FGF2: variants seen among roughly 807,000 people sequenced by gnomAD.
The protein encoded by FGF2 is basic fibroblast growth factor bFGF.
Under a neutral mutation model 15.9 loss-of-function variants are expected in FGF2, and 13 were observed. That is an observed-to-expected ratio of 0.82 (90% CI 0.53 to 1.30). The LOEUF (loss-of-function observed/expected upper bound fraction) is 1.30, where lower values mean the gene tolerates loss of function less well. Among genes scored for constraint, FGF2 ranks in the 50% most tolerant of loss-of-function variants. The pLI is 0.00. For missense variants in FGF2, 163 were observed against 196.9 expected, an observed-to-expected ratio of 0.83 and a Z score of 1.03; for synonymous variants, 90 against 78.4, an observed-to-expected ratio of 1.15 and a Z score of -0.78.
At chr4:122,867,870 C>G (rs72672997) in intron 1 of FGF2, among the ~76,000 whole-genome samples, 3,266 of 152,098 alleles carry the variant, frequency 0.021, 60 homozygotes, top group Non-Finnish European at 0.035. Flanking sequence ...TTATGGTGAC[C>G]CTGTTTATTT....
intron 1 of FGF2, among the ~76,000 whole-genome samples, chr4:122,856,447 T>C (rs1432140327): frequency 6.6e-6 from 1 of 152,214 alleles, no homozygotes; most frequent in Non-Finnish European, 1.5e-5. Context: ...ATTTCTTCCA[T>C]TTTCTGTTCT....
At chr4:122,872,653 C>G (rs1726764191) in intron 1 of FGF2, among the ~76,000 whole-genome samples, 1 of 152,184 alleles carries the variant, frequency 6.6e-6, no homozygotes, top group South Asian at 2.1e-4. Context: ...CAAAGGGAAG[C>G]CCATCGGACT....
intron 1 of FGF2, among the ~76,000 whole-genome samples, chr4:122,858,938 A>G (rs562860570): frequency 6.6e-6 from 1 of 150,986 alleles, no homozygotes; most frequent in African/African-American, 2.5e-5. Context: ...AACACACTCT[A>G]TCAACCAATT....
chr4:122,871,145 C>T (rs944081891), intron 1 of FGF2, among the ~76,000 whole-genome samples: 3 of 152,126 alleles, frequency 2.0e-5, no homozygotes, highest in South Asian at 2.1e-4. Context: ...GAGTGAGTTT[C>T]TTAATCCTGA....
rs1352612742 is a variant in FGF2 at position 122,876,384 on chromosome 4, G to A, written c.242G>A (p.Arg81His). ...TCTATCAAAGGAGTGTGTGCTAACC[G>A]TTACCTGGCTATGAAGGAAGATGGA... ...VVSIKGVCAN[R>H]YLAMKEDGRL... The change falls in exon 2 of 3, where the codon CGT becomes CAT. Residue 81 changes from arginine (R) to histidine (H), a missense_variant. Physicochemically the swap from Arg to His is conservative, Grantham distance 29. Transcript: ENST00000644866. The A allele has an allele frequency of 2.5e-6, 4 of 1,613,162 alleles. No individual in the cohort carries two copies. The highest frequency in any genetic ancestry group is 2.5e-6 in the Non-Finnish European group (3 of 1,179,312).
rs1726098903 is a variant in FGF2, at chr4:122,845,810, AG to A, written c.178+18459del. On this transcript the variant is annotated intron_variant, in intron 1 of 2. Coordinates refer to ENST00000644866, the MANE Select transcript of FGF2 (RefSeq NM_001361665.2). Reference sequence around the variant, plus strand: ...AGACCACTCAAACTTTCTCCATATCAGCAATAAGGCTGTTTTGTTTTCTTAT... The same window carrying A: ...AGACCACTCAAACTTTCTCCATATCACAATAAGGCTGTTTTGTTTTCTTAT... 2.0e-5 allele frequency among the ~76,000 whole-genome samples: 3 copies of A among 152,222 alleles called. 1 individual carries two copies. Among genetic ancestry groups the A allele is most frequent in the Admixed American group, 2.0e-4 (3 of 15,284 alleles).
intron 1 of FGF2, among the ~76,000 whole-genome samples, chr4:122,874,828 C>G (rs1469700090): frequency 6.6e-6 from 1 of 151,992 alleles, no homozygotes; most frequent in Non-Finnish European, 1.5e-5. Flanking sequence ...CCCTAGCTAC[C>G]TATAAACACC....
At chr4:122,834,445 C>T (rs1725823918) in intron 1 of FGF2, among the ~76,000 whole-genome samples, 1 of 152,102 alleles carries the variant, frequency 6.6e-6, no homozygotes, top group African/African-American at 2.4e-5. Context: ...TAGATTCTGC[C>T]CTCAGTATTC....
At chr4:122,891,021 C>CTTTTTTTTTTTTTTTTT (rs769084285) in intron 2 of FGF2, among the ~76,000 whole-genome samples, 31 of 94,716 alleles carry the variant, frequency 3.3e-4, no homozygotes, top group East Asian at 4.5e-4. Flanking sequence ...AACAATTTAT[C>CTTTTTTTTTTTTTTTTT]TTTTTTTTTT....
chr4:122,864,297 T>C (rs74741411), intron 1 of FGF2, among the ~76,000 whole-genome samples: 7,515 of 152,292 alleles, frequency 0.049, 583 homozygotes, highest in African/African-American at 0.17. Flanking sequence ...CTGTCACTCT[T>C]TTCCCTGAGG....
intron 1 of FGF2, among the ~76,000 whole-genome samples, chr4:122,830,876 C>A (rs1725752341): frequency 6.8e-6 from 1 of 146,692 alleles, no homozygotes; most frequent in Non-Finnish European, 1.5e-5. Context: ...TACCCTTGGG[C>A]TTCTCCCAGG....
intron 1 of FGF2, among the ~76,000 whole-genome samples, chr4:122,833,608 TA>T (rs937542458): frequency 1.1e-4 from 16 of 152,278 alleles, no homozygotes; most frequent in Non-Finnish European, 2.2e-4. Flanking sequence ...GACTTCTTTA[TA>T]TAAATAAACA....
chr4:122,867,390 G>C (rs541420058), intron 1 of FGF2, among the ~76,000 whole-genome samples: 1 of 152,210 alleles, frequency 6.6e-6, no homozygotes, highest in South Asian at 2.1e-4. Flanking sequence ...TAGTATTATG[G>C]TGTCTTTGGA....
At position 122,894,504 on chromosome 4, in the gene FGF2, T is replaced by C. The variant is rs991701647; in HGVS notation, c.*2108T>C. On this transcript the variant is annotated 3_prime_UTR_variant, in exon 3 of 3. Transcript: ENST00000644866. ...AGGCTGAGGTGGGAGGGTTGATCAC[T>C]TGAGGCTGAGAGGTCAAGGTTGCAG... The C allele has an allele frequency of 1.3e-5, 2 of 152,142 alleles. No homozygotes were observed. Among genetic ancestry groups the C allele is most frequent in the African/African-American group, 4.8e-5 (2 of 41,428 alleles). The allele number at this position is 152,142 out of a possible 1,614,324, so 9.4% of individuals were successfully genotyped here.
chr4:122,837,186 CTT>C (rs1191337108), intron 1 of FGF2, among the ~76,000 whole-genome samples: 3 of 152,264 alleles, frequency 2.0e-5, no homozygotes, highest in African/African-American at 7.2e-5. Flanking sequence ...CTGAAAAACT[CTT>C]AAGAGGATAG....
intron 1 of FGF2, among the ~76,000 whole-genome samples, chr4:122,855,967 A>C (rs1052362197): frequency 6.6e-5 from 10 of 152,190 alleles, no homozygotes; most frequent in African/African-American, 2.4e-4. Context: ...CTCAGAGACT[A>C]TGAAGAATAG....
In FGF2 at chr4:122,892,631, C is replaced by CCTAG; in HGVS notation, c.*236_*239dup. The CCTAG allele has an allele frequency of 7.0e-7, 1 of 1,424,912 alleles. No homozygotes were observed. Among genetic ancestry groups the CCTAG allele is most frequent in the Non-Finnish European group, 9.2e-7 (1 of 1,091,452 alleles). The allele number at this position is 1,424,912 out of a possible 1,614,324, so 88.3% of individuals were successfully genotyped here. ...ATCTGCTGTTACCCAGTGAAGCTTA[C>CCTAG]CTAGAGCAATGATCTTTTTCACGCA... On this transcript the variant is annotated 3_prime_UTR_variant, in exon 3 of 3. Coordinates refer to ENST00000644866, the MANE Select transcript of FGF2 (RefSeq NM_001361665.2).
At chr4:122,876,203 A>G (rs968334626) in intron 1 of FGF2, 118 bp from the exon 2 acceptor site, 1 of 727,208 alleles carries the variant, frequency 1.4e-6, no homozygotes, top group African/African-American at 1.7e-5. Context: ...AACCTCACCA[A>G]TCCTCCAAAG....
chr4:122,830,669 T>C (rs1407863418), intron 1 of FGF2, among the ~76,000 whole-genome samples: 3 of 152,090 alleles, frequency 2.0e-5, no homozygotes, highest in Non-Finnish European at 2.9e-5. Context: ...AAGTATGTAC[T>C]CTAAAGTAGC....
Sources: allele counts gnomAD v4.1 joint callset (sites outside exome capture counted in the v4.1 genomes callset), GRCh38; gene constraint gnomAD v4.1.1; transcripts MANE v1.5; gene names NCBI Gene and HGNC (gene_info 2026-07-23, HGNC 2026-07-21).